The following STK10 variants were observed in gnomAD, a reference collection of about 807,000 sequenced individuals.
STK10 encodes the protein serine/threonine-protein kinase 10.
In STK10, 78 loss-of-function variants were observed where a neutral mutation model predicts 113.8. The ratio of observed to expected loss-of-function variants is 0.69; its 90% CI spans 0.57 to 0.83. STK10 has a LOEUF of 0.83. Ranked by LOEUF, STK10 falls within the 40% of genes least tolerant of loss-of-function variation. STK10 has a pLI of 0.00. For synonymous variants in STK10, 465 were observed against 494.7 expected (o/e 0.94, Z 0.80); for missense variants, 1,109 against 1,280.1 (o/e 0.87, Z 2.04).
At chr5:172,088,413 A>G (rs1768618537) in intron 10 of STK10, among the ~76,000 whole-genome samples, 1 of 152,182 alleles carries the variant, frequency 6.6e-6, no homozygotes, top group South Asian at 2.1e-4. Context: ...AGTCCCAGCT[A>G]CTCAGGAGGC....
At chr5:172,066,516 G>A (rs1283656720) in intron 12 of STK10, among the ~76,000 whole-genome samples, 1 of 152,234 alleles carries the variant, frequency 6.6e-6, no homozygotes, top group Non-Finnish European at 1.5e-5. Flanking sequence ...GCCAGGCGGA[G>A]TGGCTCACGC....
At chr5:172,148,490 G>A (rs1385463359) in intron 2 of STK10, among the ~76,000 whole-genome samples, 1 of 152,194 alleles carries the variant, frequency 6.6e-6, no homozygotes, top group East Asian at 1.9e-4. Flanking sequence ...GCCCAGGCCG[G>A]CTATTCCAAC....
chr5:172,129,309 G>A (rs985392524), intron 2 of STK10, among the ~76,000 whole-genome samples: 1 of 152,202 alleles, frequency 6.6e-6, no homozygotes, highest in Admixed American at 6.5e-5. Context: ...AGGGCTGTGT[G>A]CCACGGCAGA....
At chr5:172,158,426 G>A (rs557601956) in intron 1 of STK10, among the ~76,000 whole-genome samples, 9 of 152,212 alleles carry the variant, frequency 5.9e-5, no homozygotes, top group South Asian at 2.1e-4. Flanking sequence ...TCAGGAGTTC[G>A]AGACCAGCCT....
chr5:172,096,204 C>T (rs951400907), intron 8 of STK10, among the ~76,000 whole-genome samples: 4 of 152,228 alleles, frequency 2.6e-5, no homozygotes, highest in Non-Finnish European at 5.9e-5. Flanking sequence ...CTGGTATCTC[C>T]TGAAAACTCA....
chr5:172,062,828 C>A (rs893267226), intron 13 of STK10, among the ~76,000 whole-genome samples: 1 of 152,130 alleles, frequency 6.6e-6, no homozygotes, highest in Non-Finnish European at 1.5e-5. Context: ...CGGAGATGGC[C>A]GCACAATGTG....
intron 2 of STK10, among the ~76,000 whole-genome samples, chr5:172,154,840 T>C (rs1770313812): frequency 6.6e-6 from 1 of 152,130 alleles, no homozygotes; most frequent in Admixed American, 6.5e-5. Context: ...TTTTGTAAGA[T>C]GGGATAAAGC....
At chr5:172,067,356 CTAAATAAATAAATAGAATAAA>C (rs1768091798) in intron 12 of STK10, among the ~76,000 whole-genome samples, 1 of 148,666 alleles carries the variant, frequency 6.7e-6, no homozygotes. Flanking sequence ...GACCCTGTCT[CTAAATAAATAAATAGAATAAA>C]TAAATAAATA....
At position 172,082,026 on chromosome 5, in the gene STK10, C is replaced by T. The variant is rs1282481140; in HGVS notation, c.1989+300G>A. ...AATTCCCCCGGACCACCAGCCCTTC[C>T]TTCTTCCCCGCTCTTTCTCGGCAGG... On this transcript the variant is annotated intron_variant, in intron 12 of 18. Coordinates refer to ENST00000176763, the MANE Select transcript of STK10 (RefSeq NM_005990.4). The surrounding 1 kb of genome is among the most constrained non-coding windows in gnomAD (Gnocchi z 4.3). Among the ~76,000 whole-genome samples, 1 of 152,168 alleles carries T rather than the reference C, an allele frequency of 6.6e-6. No homozygotes were observed. The highest frequency in any genetic ancestry group is 2.4e-5 in the African/African-American group (1 of 41,444).
intron 1 of STK10, among the ~76,000 whole-genome samples, chr5:172,158,144 G>A (rs1172937750): frequency 6.6e-6 from 1 of 152,162 alleles, no homozygotes; most frequent in African/African-American, 2.4e-5. Context: ...GTGAGGACTG[G>A]AGAAGTTAGA....
At chr5:172,173,446 G>A (rs545079777) in intron 1 of STK10, among the ~76,000 whole-genome samples, 3 of 152,316 alleles carry the variant, frequency 2.0e-5, no homozygotes, top group African/African-American at 7.2e-5. Context: ...AGCTTTCCAG[G>A]AAGGAGAGTG....
At chr5:172,121,702 C>T (rs1250100572) in intron 3 of STK10, among the ~76,000 whole-genome samples, 1 of 151,602 alleles carries the variant, frequency 6.6e-6, no homozygotes, top group Non-Finnish European at 1.5e-5. Context: ...AAGAGCAAAA[C>T]TCTGTCTCTA....
intron 3 of STK10, among the ~76,000 whole-genome samples, chr5:172,125,322 A>C (rs1250238783): frequency 6.6e-6 from 1 of 152,076 alleles, no homozygotes; most frequent in East Asian, 1.9e-4. Flanking sequence ...GGTGATATGC[A>C]CTTATACATC....
chr5:172,054,043 C>T (rs1289944800), intron 17 of STK10, among the ~76,000 whole-genome samples: 1 of 152,218 alleles, frequency 6.6e-6, no homozygotes, highest in African/African-American at 2.4e-5. Flanking sequence ...AGAAATTGCC[C>T]GATGGGTCCA....
At chr5:172,072,557 C>T (rs765880198) in intron 12 of STK10, among the ~76,000 whole-genome samples, 3 of 152,190 alleles carry the variant, frequency 2.0e-5, no homozygotes, top group Non-Finnish European at 2.9e-5. Flanking sequence ...CGTGAGCCAC[C>T]GCGCCTGGCC....
intron 1 of STK10, among the ~76,000 whole-genome samples, chr5:172,185,781 A>T (rs1770945971): frequency 6.6e-6 from 1 of 152,232 alleles, no homozygotes; most frequent in Non-Finnish European, 1.5e-5. Context: ...CACCAGGAAG[A>T]AGATGCAGCT....
chr5:172,072,136 AGACT>A (rs1174389179), intron 12 of STK10, among the ~76,000 whole-genome samples: 4 of 152,278 alleles, frequency 2.6e-5, no homozygotes, highest in African/African-American at 7.2e-5. Context: ...TTATATCAAC[AGACT>A]AACAGAAGAA....
chr5:172,054,427 T>C (rs1474381278), intron 17 of STK10, 142 bp downstream of exon 17: 7 of 1,261,036 alleles, frequency 5.6e-6, no homozygotes, highest in African/African-American at 1.5e-5. Flanking sequence ...TAGAGCAGCA[T>C]GGCAGGGCTG....
intron 10 of STK10, 42 bp downstream of exon 10, chr5:172,090,190 C>A: frequency 1.2e-6 from 2 of 1,609,774 alleles, no homozygotes; most frequent in South Asian, 1.1e-5. Flanking sequence ...CTTACCATAG[C>A]CCCACCCTGT....
Sources: allele counts gnomAD v4.1 joint callset (sites outside exome capture counted in the v4.1 genomes callset), GRCh38; gene constraint gnomAD v4.1.1; non-coding constraint Gnocchi (gnomAD v3.1); transcripts MANE v1.5; gene names NCBI Gene and HGNC (gene_info 2026-07-23, HGNC 2026-07-21).